The following RALY variants were observed in gnomAD, a reference collection of about 807,000 sequenced individuals.
RALY encodes the protein RALY heterogeneous nuclear ribonucleoprotein, also known as RNA-binding protein Raly.
A neutral mutation model predicts 30.7 loss-of-function variants in RALY; 15 were observed. The observed-to-expected ratio is 0.49, with a 90% confidence interval of 0.33 to 0.75. The LOEUF (loss-of-function observed/expected upper bound fraction) is 0.75, where lower values mean the gene tolerates loss of function less well. RALY is among the 30% of genes least tolerant of loss of function. The probability of loss-of-function intolerance (pLI) is 0.02; values close to 1 mark genes in which losing one functional copy is unlikely to be tolerated. For missense variants in RALY, 339 were observed against 414.3 expected (o/e 0.82, Z 1.58); for synonymous variants, 177 against 170.8 (o/e 1.04, Z -0.28).
At chr20:34,066,992 A>AT (rs1351250394) in intron 2 of RALY, among the ~76,000 whole-genome samples, 1 of 152,206 alleles carries the variant, frequency 6.6e-6, no homozygotes, top group African/African-American at 2.4e-5. Context: ...AACCCAAGGC[A>AT]TCCCTGTGCC....
At chr20:34,037,943 G>C (rs1314610485) in intron 2 of RALY, among the ~76,000 whole-genome samples, 1 of 152,198 alleles carries the variant, frequency 6.6e-6, no homozygotes, top group East Asian at 1.9e-4. Context: ...GAGGCTGCCA[G>C]AGCAGCTCAT....
chr20:33,993,948 G>T lies in RALY; in HGVS notation c.-276G>T, dbSNP rs1320275450. The T allele has an allele frequency of 6.6e-6, 1 of 152,050 alleles. No homozygotes were observed. Among genetic ancestry groups the T allele is most frequent in the Non-Finnish European group, 1.5e-5 (1 of 67,996 alleles). 9.4% of individuals were successfully genotyped at this position (152,050 alleles called of 1,614,324 possible). A position where few individuals can be genotyped will look rare whatever the true frequency, so the allele number is the denominator to read the frequency against. ...GGGCGCGCGAGCGGCGCCAGCTCGG[G>T]GCAGCGGAACCCAGAGAAGCTGAGG... On this transcript the variant is annotated 5_prime_UTR_variant, in exon 1 of 10. Coordinates refer to ENST00000246194, the MANE Select transcript of RALY (RefSeq NM_016732.3).
At position 34,073,592 on chromosome 20, in the gene RALY, G is replaced by A; in HGVS notation, c.286G>A (p.Asp96Asn). The change falls in exon 4 of 10, where the codon GAC (aspartate) becomes AAC (asparagine). Residue 96 changes from aspartate to asparagine, a missense_variant. Coordinates refer to ENST00000246194, the MANE Select transcript of RALY (RefSeq NM_016732.3). Reference sequence around the variant, plus strand: ...CAACATGGCTGGAGAGCCTAAGCCTGACAGACCCAAGGGGCTAAAGAGAGC... The same window carrying A: ...CAACATGGCTGGAGAGCCTAAGCCTAACAGACCCAAGGGGCTAAAGAGAGC... ...DINMAGEPKP[D>N]RPKGLKRAAS... The A allele has an allele frequency of 1.2e-6, 2 of 1,605,970 alleles. No individual in the cohort carries two copies. The highest frequency in any genetic ancestry group is 1.7e-6 in the Non-Finnish European group (2 of 1,172,562).
chr20:34,054,831 AAAG>A (rs1419803702), intron 2 of RALY, among the ~76,000 whole-genome samples: 20 of 149,360 alleles, frequency 1.3e-4, no homozygotes, highest in Admixed American at 7.9e-4. Context: ...AAAAAAAAAG[AAAG>A]AAAGAAAGAA....
chr20:34,042,011 G>A (rs1381822457), intron 2 of RALY, among the ~76,000 whole-genome samples: 1 of 152,132 alleles, frequency 6.6e-6, no homozygotes, highest in East Asian at 1.9e-4. Flanking sequence ...AGGCTGAGAT[G>A]GGAGGATTGC....
chr20:34,082,461 T>C lies in RALY; in HGVS notation c.*2556T>C, dbSNP rs2034044796. 1 of 152,254 alleles carries C rather than the reference T, an allele frequency of 6.6e-6. No individual in the cohort carries two copies. The highest frequency in any genetic ancestry group is 2.1e-4 in the South Asian group (1 of 4,838). 9.4% of individuals were successfully genotyped at this position (152,254 alleles called of 1,614,324 possible). A position where few individuals can be genotyped will look rare whatever the true frequency, so the allele number is the denominator to read the frequency against. The stretch of plus-strand genomic sequence containing the variant: ...ACTGAGGAACTCAACGTTTCAGAGC[T>C]TGAGGGTCAGGTTGATCATGGGCTT... On this transcript the variant is annotated 3_prime_UTR_variant, in exon 10 of 10. Transcript: ENST00000246194.
intron 1 of RALY, among the ~76,000 whole-genome samples, chr20:34,027,097 G>A (rs1384297513): frequency 6.6e-6 from 1 of 152,136 alleles, no homozygotes; most frequent in Non-Finnish European, 1.5e-5. Context: ...GCAGCAGTGA[G>A]CACACAACCC....
At chr20:34,004,022 G>A (rs1056042731) in intron 1 of RALY, among the ~76,000 whole-genome samples, 1 of 151,696 alleles carries the variant, frequency 6.6e-6, no homozygotes, top group African/African-American at 2.4e-5. Flanking sequence ...TAAATACTTG[G>A]CATTGTCTAT....
chr20:33,994,836 G>A (rs1399814722), intron 1 of RALY, among the ~76,000 whole-genome samples: 1 of 152,126 alleles, frequency 6.6e-6, no homozygotes, highest in Admixed American at 6.5e-5. Context: ...CACCGACAGG[G>A]AACATTTAAT....
chr20:34,067,229 C>G (rs2033599316), intron 2 of RALY, among the ~76,000 whole-genome samples: 1 of 152,152 alleles, frequency 6.6e-6, no homozygotes, highest in South Asian at 2.1e-4. Flanking sequence ...AAGTCTCGCT[C>G]TGTCGCCTAG....
At chr20:34,051,852 G>T (rs146277014) in intron 2 of RALY, among the ~76,000 whole-genome samples, 12 of 152,308 alleles carry the variant, frequency 7.9e-5, no homozygotes, top group Non-Finnish European at 1.3e-4. Context: ...TGATCCAGGT[G>T]CCTTGGCCTC....
intron 2 of RALY, among the ~76,000 whole-genome samples, chr20:34,045,741 AT>A (rs1160777253): frequency 6.6e-6 from 1 of 152,114 alleles, no homozygotes; most frequent in Non-Finnish European, 1.5e-5. Context: ...TGCTCACATG[AT>A]TTGGTAATAG....
chr20:34,070,379 G>C (rs1470047427), intron 2 of RALY, among the ~76,000 whole-genome samples: 1 of 152,018 alleles, frequency 6.6e-6, no homozygotes, highest in Non-Finnish European at 1.5e-5. Context: ...TTTCCTCTTG[G>C]AGCCTATGCC....
intron 1 of RALY, among the ~76,000 whole-genome samples, chr20:34,013,297 G>A (rs577624353): frequency 6.6e-6 from 1 of 151,428 alleles, no homozygotes; most frequent in African/African-American, 2.4e-5. Context: ...TGTAGTCTCA[G>A]CAGCTACTTG....
intron 1 of RALY, among the ~76,000 whole-genome samples, chr20:34,020,341 A>G (rs1316857262): frequency 6.6e-6 from 1 of 152,204 alleles, no homozygotes; most frequent in Non-Finnish European, 1.5e-5. Context: ...CTCTGAGTAG[A>G]TAATATTGGC....
chr20:34,050,340 CAA>C (rs1439249166), intron 2 of RALY, among the ~76,000 whole-genome samples: 1 of 152,204 alleles, frequency 6.6e-6, no homozygotes, highest in Non-Finnish European at 1.5e-5. Flanking sequence ...CTTTGCTATG[CAA>C]GAGAGCCTCT....
rs910753025 is a variant in RALY, at chr20:34,083,980, A to G, written c.*4075A>G. 3.9e-5 allele frequency: 6 copies of G among 152,398 alleles called. No individual in the cohort carries two copies. Among genetic ancestry groups the G allele is most frequent in the Non-Finnish European group, 5.9e-5 (4 of 68,050 alleles). 9.4% of individuals were successfully genotyped at this position (152,398 alleles called of 1,614,324 possible). Reference sequence around the variant, plus strand: ...AACCATTTCCTGAACACCTGCTGTTAAAAAGCACATTTTACATTTACTTAA... The same window carrying G: ...AACCATTTCCTGAACACCTGCTGTTGAAAAGCACATTTTACATTTACTTAA... On this transcript the variant is annotated 3_prime_UTR_variant, in exon 10 of 10. Coordinates refer to ENST00000246194, the MANE Select transcript of RALY (RefSeq NM_016732.3).
Position 33,999,573 on chromosome 20 carries a change from T to C in RALY, c.-93+5442T>C, listed in dbSNP as rs148546927. 7.1e-3 allele frequency among the ~76,000 whole-genome samples: 1,080 copies of C among 152,294 alleles called. 12 individuals carry two copies. The highest frequency in any genetic ancestry group is 0.024 in the African/African-American group (1,014 of 41,558). The stretch of plus-strand genomic sequence containing the variant: ...TCCAGGCTACATCCTTTGGCACTGG[T>C]CTTTTCGTGTACTAGTGTATTCCTA... On this transcript the variant is annotated intron_variant, in intron 1 of 9. Coordinates refer to ENST00000246194, the MANE Select transcript of RALY (RefSeq NM_016732.3).
chr20:34,009,524 C>G (rs1481721720), intron 1 of RALY, among the ~76,000 whole-genome samples: 3 of 152,100 alleles, frequency 2.0e-5, no homozygotes, highest in African/African-American at 4.8e-5. Context: ...GTGTGAGCCA[C>G]CACGCCCCAG....
Sources: allele counts gnomAD v4.1 joint callset (sites outside exome capture counted in the v4.1 genomes callset), GRCh38; gene constraint gnomAD v4.1.1; transcripts MANE v1.5; gene names NCBI Gene and HGNC (gene_info 2026-07-23, HGNC 2026-07-21).